VDAC1: variants seen among roughly 807,000 people sequenced by gnomAD.
The protein encoded by VDAC1 is non-selective voltage-gated ion channel VDAC1.
Under a neutral mutation model 34.7 loss-of-function variants are expected in VDAC1, and 10 were observed. The observed-to-expected ratio is 0.29, with a 90% confidence interval of 0.18 to 0.49. The LOEUF is 0.49. Among genes scored for constraint, VDAC1 ranks in the 20% least tolerant of loss-of-function variants. VDAC1 has a pLI of 0.99. For missense variants in VDAC1, 230 were observed against 347.9 expected (o/e 0.66, Z 2.69); for synonymous variants, 130 against 136.0 (o/e 0.96, Z 0.30).
chr5:133,984,629 A>G (rs1752840465), intron 5 of VDAC1, among the ~76,000 whole-genome samples: 2 of 152,194 alleles, frequency 1.3e-5, no homozygotes, highest in Admixed American at 1.3e-4. Context: ...TGCATCATAG[A>G]CAATCCCATA....
the VDAC1 span, among the ~76,000 whole-genome samples, chr5:134,069,672 G>C: frequency 6.6e-6 from 1 of 152,142 alleles, no homozygotes. Flanking sequence ...CTCTACCTTT[G>C]AGGGTTCGGG....
At chr5:134,084,934 G>A in the VDAC1 span, among the ~76,000 whole-genome samples, 3 of 152,180 alleles carry the variant, frequency 2.0e-5, no homozygotes, top group African/African-American at 7.2e-5. Context: ...ACAGCCAGTA[G>A]GCCAGGATTC....
chr5:133,990,387 C>A (rs1753061774), intron 5 of VDAC1, among the ~76,000 whole-genome samples: 2 of 152,206 alleles, frequency 1.3e-5, no homozygotes, highest in African/African-American at 4.8e-5. Flanking sequence ...ACTTACATCA[C>A]CAGCAGCCTA....
chr5:134,023,743 A>T, the VDAC1 span, among the ~76,000 whole-genome samples: 1 of 152,262 alleles, frequency 6.6e-6, no homozygotes, highest in East Asian at 1.9e-4. Flanking sequence ...AAAGAGTATG[A>T]TGGCAAGTGT....
At chr5:134,058,353 G>A in the VDAC1 span, among the ~76,000 whole-genome samples, 6 of 148,424 alleles carry the variant, frequency 4.0e-5, no homozygotes, top group East Asian at 2.0e-4. Flanking sequence ...TCACTCTGTC[G>A]CCCAGGCTGG....
At chr5:134,006,599 C>T (rs959420668), upstream of VDAC1, among the ~76,000 whole-genome samples, 3 of 151,828 alleles carry the variant, frequency 2.0e-5, no homozygotes, top group Non-Finnish European at 2.9e-5. Flanking sequence ...AAAAACTAGA[C>T]GGGCGTGGTG....
chr5:134,039,060 A>G, the VDAC1 span, among the ~76,000 whole-genome samples: 1 of 152,190 alleles, frequency 6.6e-6, no homozygotes, highest in Non-Finnish European at 1.5e-5. Context: ...GCTGACCTCC[A>G]TGCTTTCCAG....
chr5:134,033,894 A>G, the VDAC1 span, among the ~76,000 whole-genome samples: 3 of 152,022 alleles, frequency 2.0e-5, no homozygotes, highest in Non-Finnish European at 4.4e-5. Flanking sequence ...TGGGAGGCTG[A>G]GGCAGGAGAA....
At chr5:133,998,926 C>T (rs1480348734) in intron 1 of VDAC1, among the ~76,000 whole-genome samples, 1 of 152,218 alleles carries the variant, frequency 6.6e-6, no homozygotes, top group Non-Finnish European at 1.5e-5. Flanking sequence ...CACTGAGAAG[C>T]AGCAGCTCAG....
At chr5:134,002,978 A>AAG in intron 1 of VDAC1, among the ~76,000 whole-genome samples, 1 of 151,648 alleles carries the variant, frequency 6.6e-6, no homozygotes, top group Non-Finnish European at 1.5e-5. Context: ...AAAAAAAAAA[A>AAG]GTCCAGGATC....
At chr5:134,070,993 G>A in the VDAC1 span, among the ~76,000 whole-genome samples, 2 of 152,152 alleles carry the variant, frequency 1.3e-5, no homozygotes, top group African/African-American at 4.8e-5. Flanking sequence ...ATCCCCAGCC[G>A]CTTCCCAGGG....
At chr5:134,040,359 G>A in the VDAC1 span, among the ~76,000 whole-genome samples, 15 of 152,310 alleles carry the variant, frequency 9.8e-5, no homozygotes, top group African/African-American at 3.1e-4. Flanking sequence ...GGCGGATCAC[G>A]AGGTCAGGAG....
the VDAC1 span, among the ~76,000 whole-genome samples, chr5:134,023,003 T>G: frequency 6.6e-6 from 1 of 152,202 alleles, no homozygotes; most frequent in African/African-American, 2.4e-5. Context: ...TAAATCATTC[T>G]ACTATAAAGA....
chr5:134,065,120 T>C, the VDAC1 span, among the ~76,000 whole-genome samples: 71 of 152,180 alleles, frequency 4.7e-4, no homozygotes, highest in African/African-American at 1.6e-3. Flanking sequence ...TAATTTTTAG[T>C]CTTTTTCTTT....
At chr5:134,062,002 A>T in the VDAC1 span, among the ~76,000 whole-genome samples, 5 of 151,500 alleles carry the variant, frequency 3.3e-5, no homozygotes, top group African/African-American at 1.2e-4. Context: ...TTTTTGAGAC[A>T]GAGTCTTGCT....
At chr5:134,053,053 T>C in the VDAC1 span, among the ~76,000 whole-genome samples, 1 of 152,094 alleles carries the variant, frequency 6.6e-6, no homozygotes, top group East Asian at 1.9e-4. Flanking sequence ...AGGTGGAGGT[T>C]GCGGTGAGCT....
chr5:134,001,661 G>A (rs929843865), intron 1 of VDAC1, among the ~76,000 whole-genome samples: 1 of 149,574 alleles, frequency 6.7e-6, no homozygotes, highest in Non-Finnish European at 1.5e-5. Flanking sequence ...AGATTGCAGG[G>A]AGCCGAGATT....
intron 6 of VDAC1, among the ~76,000 whole-genome samples, chr5:133,979,510 A>T (rs1752610249): frequency 1.5e-5 from 2 of 132,848 alleles, no homozygotes; most frequent in Admixed American, 1.9e-4. Context: ...GCTCATTGCA[A>T]ACTCCACCTC....
At chr5:133,993,158 T>C (rs970300960) in intron 1 of VDAC1, 140 bp from the exon 2 acceptor site, 8 of 864,916 alleles carry the variant, frequency 9.2e-6, no homozygotes, top group African/African-American at 1.7e-5. Flanking sequence ...TCCTCCCAGA[T>C]GGGCCAAGAA....
Sources: allele counts gnomAD v4.1 joint callset (sites outside exome capture counted in the v4.1 genomes callset), GRCh38; gene constraint gnomAD v4.1.1; transcripts MANE v1.5; gene names NCBI Gene and HGNC (gene_info 2026-07-23, HGNC 2026-07-21).